RREB1: variants seen among roughly 807,000 people sequenced by gnomAD.
RREB1 encodes the protein ras-responsive element-binding protein 1.
Under a neutral mutation model 117.8 loss-of-function variants are expected in RREB1, and 27 were observed. The ratio of observed to expected loss-of-function variants is 0.23; its 90% confidence interval spans 0.17 to 0.32. The LOEUF (loss-of-function observed/expected upper bound fraction) is 0.32. Among genes scored for constraint, RREB1 ranks in the 10% least tolerant of loss-of-function variants. RREB1 has a pLI of 1.00. For synonymous variants in RREB1, 1,298 were observed against 1,026.7 expected (o/e 1.26, Z -5.05); for missense variants, 2,577 against 2,378.2 (o/e 1.08, Z -1.74).
chr6:7,177,326 C>G (rs186761937), intron 2 of RREB1, among the ~76,000 whole-genome samples: 4 of 148,484 alleles, frequency 2.7e-5, no homozygotes, highest in South Asian at 2.1e-4. Context: ...GCCAAGGGTT[C>G]GTCTCAGGAA....
intron 1 of RREB1, among the ~76,000 whole-genome samples, chr6:7,152,192 T>G (rs1763156044): frequency 6.6e-6 from 1 of 152,238 alleles, no homozygotes; most frequent in African/African-American, 2.4e-5. Flanking sequence ...TGCACATTAT[T>G]CCTGTTGTTT....
At chr6:7,222,852 C>T (rs1767342712) in intron 8 of RREB1, among the ~76,000 whole-genome samples, 1 of 151,972 alleles carries the variant, frequency 6.6e-6, no homozygotes, top group Admixed American at 6.6e-5. Context: ...AATCTAATTG[C>T]CATATTAAGA....
rs1561810386 is a variant in RREB1 at position 7,247,227 on chromosome 6, CA to C, written c.4771+7del. 1 of 1,607,142 alleles carries C rather than the reference CA, an allele frequency of 6.2e-7. No homozygotes were observed. The highest frequency in any genetic ancestry group is 8.5e-7 in the Non-Finnish European group (1 of 1,176,126). ...GCACATGCGCTCCCACACAGGTAAC[CA>C]GGGCAGGCCAGGTCCCCGGCCCAAC... On this transcript the variant is annotated splice_region_variant and intron_variant, in intron 12 of 12. Transcript: ENST00000379938.
intron 12 of RREB1, among the ~76,000 whole-genome samples, chr6:7,247,679 C>CCTTT (rs893874143): frequency 2.6e-5 from 4 of 152,136 alleles, no homozygotes; most frequent in African/African-American, 9.7e-5. Context: ...AGGGCCTTTT[C>CCTTT]CTTTCTTAGC....
chr6:7,156,488 G>A (rs1329533431), intron 1 of RREB1, among the ~76,000 whole-genome samples: 1 of 152,194 alleles, frequency 6.6e-6, no homozygotes, highest in Non-Finnish European at 1.5e-5. Context: ...ACACCAGCCA[G>A]TCCCTTGTGG....
chr6:7,155,941 G>A (rs1477041393), intron 1 of RREB1, among the ~76,000 whole-genome samples: 1 of 152,166 alleles, frequency 6.6e-6, no homozygotes, highest in East Asian at 1.9e-4. Flanking sequence ...GCTCTGTCCT[G>A]GACAGTACCG....
chr6:7,124,620 A>C (rs1457251708), intron 1 of RREB1, among the ~76,000 whole-genome samples: 1 of 152,188 alleles, frequency 6.6e-6, no homozygotes, highest in Non-Finnish European at 1.5e-5. Context: ...CCATTGTTAT[A>C]ATTTAGTTTT....
intron 1 of RREB1, among the ~76,000 whole-genome samples, chr6:7,125,518 C>G (rs749103390): frequency 1.3e-5 from 2 of 152,216 alleles, no homozygotes; most frequent in Non-Finnish European, 2.9e-5. Flanking sequence ...GTACTCAGCC[C>G]TGTTTCAGAC....
intron 9 of RREB1, among the ~76,000 whole-genome samples, chr6:7,226,978 C>T (rs576140408): frequency 1.3e-5 from 2 of 152,312 alleles, no homozygotes; most frequent in Admixed American, 6.5e-5. Flanking sequence ...CAGTGGCTCA[C>T]ACCTGTAACG....
At chr6:7,182,657 T>C (rs1489724463) in intron 4 of RREB1, among the ~76,000 whole-genome samples, 1 of 152,202 alleles carries the variant, frequency 6.6e-6, no homozygotes, top group African/African-American at 2.4e-5. Context: ...TGTTGGGAAA[T>C]AAATGAATCT....
intron 10 of RREB1, among the ~76,000 whole-genome samples, chr6:7,237,147 G>A (rs374964903): frequency 4.6e-5 from 7 of 151,866 alleles, no homozygotes; most frequent in Non-Finnish European, 7.4e-5. Flanking sequence ...GTGCAGTGGC[G>A]TGATCTTGGC....
chr6:7,240,675 C>A, intron 11 of RREB1, 73 bp downstream of exon 11: 2 of 1,402,118 alleles, frequency 1.4e-6, no homozygotes, highest in South Asian at 1.3e-5. Context: ...GTAGCAAACT[C>A]CAGTCCGAGC....
chr6:7,199,396 A>G (rs1186547830), intron 6 of RREB1, among the ~76,000 whole-genome samples: 2 of 152,132 alleles, frequency 1.3e-5, no homozygotes, highest in African/African-American at 4.8e-5. Flanking sequence ...AGTTCCTTAT[A>G]CATACTAGTT....
rs763994299 is a variant in RREB1, at chr6:7,231,072, C to T, written c.2973C>T (p.Ser991=). ...TGGGGCCCAGCGGAATCCTGGAAAGCCCCATGGCCCCTGCTCCGGCGGCCA... is the reference window on the plus strand; with the variant it reads ...TGGGGCCCAGCGGAATCCTGGAAAGTCCCATGGCCCCTGCTCCGGCGGCCA... ...VTLGPSGILE[S]PMAPAPAATP... is the part of the protein sequence containing the mutation. The change falls in exon 10 of 13, where the codon AGC becomes AGT. Residue 991 remains serine, a synonymous_variant. Coordinates refer to ENST00000379938, the MANE Select transcript of RREB1 (RefSeq NM_001003699.4). 4.3e-6 allele frequency: 7 copies of T among 1,613,538 alleles called. No individual in the cohort carries two copies. Among genetic ancestry groups the T allele is most frequent in the African/African-American group, 2.7e-5 (2 of 75,018 alleles).
chr6:7,159,948 A>G (rs1397602447), intron 1 of RREB1, among the ~76,000 whole-genome samples: 1 of 152,216 alleles, frequency 6.6e-6, no homozygotes, highest in East Asian at 1.9e-4. Flanking sequence ...CAACCTAAGC[A>G]TGTCATCTGT....
At chr6:7,141,822 A>AGCCGGGTG (rs1477544881) in intron 1 of RREB1, among the ~76,000 whole-genome samples, 1 of 152,256 alleles carries the variant, frequency 6.6e-6, no homozygotes, top group Non-Finnish European at 1.5e-5. Flanking sequence ...GAGAACGGGC[A>AGCCGGGTG]GCCGGGTGGC....
intron 1 of RREB1, among the ~76,000 whole-genome samples, chr6:7,175,142 T>G (rs1764438466): frequency 1.3e-5 from 2 of 152,056 alleles, no homozygotes; most frequent in Non-Finnish European, 2.9e-5. Context: ...AATTTCACCT[T>G]AGATGGGTGA....
At chr6:7,146,234 A>G (rs1762851046) in intron 1 of RREB1, among the ~76,000 whole-genome samples, 1 of 152,140 alleles carries the variant, frequency 6.6e-6, no homozygotes, top group South Asian at 2.1e-4. Context: ...CAGCCTTGCC[A>G]TCTGTTTCTA....
At chr6:7,110,398 G>A (rs937239448) in intron 1 of RREB1, among the ~76,000 whole-genome samples, 9 of 152,138 alleles carry the variant, frequency 5.9e-5, no homozygotes, top group African/African-American at 2.2e-4. Flanking sequence ...ATCTTCAAGA[G>A]TCCACAGAAC....
Sources: gnomAD v4.1 joint callset for allele counts (sites outside exome capture counted in the v4.1 genomes callset) on GRCh38, gnomAD v4.1.1 for gene constraint, MANE v1.5 for transcripts, NCBI Gene and HGNC (gene_info 2026-07-23, HGNC 2026-07-21) for gene names.